Variants in CSMD1 observed in about 807,000 individuals in gnomAD.
CSMD1 encodes CUB and Sushi multiple domains 1.
Under a neutral mutation model 417.5 loss-of-function variants are expected in CSMD1, and 213 were observed. That is an observed-to-expected ratio of 0.51 (90% CI 0.46 to 0.57). The LOEUF (loss-of-function observed/expected upper bound fraction) is 0.57. Ranked by LOEUF, CSMD1 falls within the 20% of genes least tolerant of loss-of-function variation. The pLI, the probability that CSMD1 is intolerant of heterozygous loss-of-function variation, is 0.00. For missense variants in CSMD1, 6,923 were observed against 4,529.7 expected, an observed-to-expected ratio of 1.53 and a Z score of -15.17; for synonymous variants, 2,862 against 1,736.8, an observed-to-expected ratio of 1.65 and a Z score of -16.11.
intron 1 of CSMD1, among the ~76,000 whole-genome samples, chr8:4,764,895 C>CAAAACAAAACAAAACAA (rs763804321): frequency 6.5e-5 from 2 of 30,570 alleles, no homozygotes; most frequent in East Asian, 8.5e-4. Flanking sequence ...AAAAAAAAAA[C>CAAAACAAAACAAAACAA]AACAACAACA....
chr8:4,189,057 A>G (rs76931012), intron 3 of CSMD1, among the ~76,000 whole-genome samples: 2,836 of 152,294 alleles, frequency 0.019, 98 homozygotes, highest in African/African-American at 0.064. Context: ...ATTTGTTATA[A>G]GAGTGAAAGT....
chr8:3,823,310 C>G (rs1188832999), intron 5 of CSMD1, among the ~76,000 whole-genome samples: 1 of 152,162 alleles, frequency 6.6e-6, no homozygotes, highest in Non-Finnish European at 1.5e-5. Flanking sequence ...TGCAAACCAT[C>G]TTCTGGGTGC....
intron 3 of CSMD1, among the ~76,000 whole-genome samples, chr8:4,416,947 C>T (rs529174857): frequency 7.9e-5 from 12 of 152,046 alleles, no homozygotes; most frequent in Admixed American, 2.6e-4. Context: ...ATGTGTAATC[C>T]TAATAGTTTC....
intron 3 of CSMD1, among the ~76,000 whole-genome samples, chr8:4,306,808 C>G (rs1416753283): frequency 6.7e-6 from 1 of 148,808 alleles, no homozygotes; most frequent in African/African-American, 2.5e-5. Flanking sequence ...CTCCATAGCA[C>G]CAATCAATCC....
At chr8:4,320,530 C>A (rs758917085) in intron 3 of CSMD1, among the ~76,000 whole-genome samples, 1 of 152,070 alleles carries the variant, frequency 6.6e-6, no homozygotes, top group Non-Finnish European at 1.5e-5. Flanking sequence ...CCCAACAGGC[C>A]CCAGTGGGTG....
At position 3,298,951 on chromosome 8, in the gene CSMD1, T is replaced by C. The variant is rs543261663; in HGVS notation, c.3950+8744A>G. Among the ~76,000 whole-genome samples the C allele has an allele frequency of 5.9e-5, 9 of 152,298 alleles. No homozygotes were observed. In the South Asian group the frequency reaches 1.4e-3, roughly 25 times the overall value. ...GCCACATGGCAGTTTTTATGCTATA[T>C]GCTAATGAGAAGCTTACACAGAAAA... On this transcript the variant is annotated intron_variant, in intron 25 of 69. Coordinates refer to ENST00000635120, the MANE Select transcript of CSMD1 (RefSeq NM_033225.6).
intron 5 of CSMD1, among the ~76,000 whole-genome samples, chr8:3,817,945 G>C (rs777179222): frequency 6.6e-6 from 1 of 152,182 alleles, no homozygotes; most frequent in African/African-American, 2.4e-5. Context: ...TATTAGCTAA[G>C]TGGATTCTTT....
intron 3 of CSMD1, among the ~76,000 whole-genome samples, chr8:4,341,598 T>A (rs546898532): frequency 6.6e-6 from 1 of 152,290 alleles, no homozygotes; most frequent in Admixed American, 6.5e-5. Context: ...GGTTCCCTGT[T>A]TGTCCAGTGA....
intron 1 of CSMD1, among the ~76,000 whole-genome samples, chr8:4,691,313 C>G (rs1024413881): frequency 6.6e-6 from 1 of 152,152 alleles, no homozygotes; most frequent in Non-Finnish European, 1.5e-5. Flanking sequence ...GTTTAATTTT[C>G]TTTCCTGATA....
intron 1 of CSMD1, among the ~76,000 whole-genome samples, chr8:4,667,406 G>T (rs954063960): frequency 6.6e-6 from 1 of 151,178 alleles, no homozygotes; most frequent in Non-Finnish European, 1.5e-5. Context: ...CTGATATTTT[G>T]ATTTGGATTG....
intron 6 of CSMD1, among the ~76,000 whole-genome samples, chr8:3,726,442 G>A (rs1409194970): frequency 1.3e-5 from 2 of 152,192 alleles, no homozygotes; most frequent in African/African-American, 2.4e-5. Context: ...ACAAGGACAG[G>A]GGTCAGCAGG....
chr8:4,170,243 T>C (rs987761657), intron 3 of CSMD1, among the ~76,000 whole-genome samples: 37 of 151,850 alleles, frequency 2.4e-4, no homozygotes, highest in Non-Finnish European at 7.4e-5. Context: ...CCCATCTCTC[T>C]TTCTCTTTTT....
chr8:3,056,966 G>C (rs936882284), intron 49 of CSMD1, among the ~76,000 whole-genome samples: 1 of 152,000 alleles, frequency 6.6e-6, no homozygotes, highest in Non-Finnish European at 1.5e-5. Context: ...TTGTTTTTGA[G>C]TTTATGTTCA....
At chr8:4,067,560 G>A (rs1289070259) in intron 3 of CSMD1, among the ~76,000 whole-genome samples, 1 of 151,924 alleles carries the variant, frequency 6.6e-6, no homozygotes, top group African/African-American at 2.4e-5. Context: ...CCTAAAGCCA[G>A]AATAAGTTTC....
At position 4,764,452 on chromosome 8, in the gene CSMD1, C is replaced by T. The variant is rs996135462; in HGVS notation, c.86-126894G>A. ...TTCAAACAAATTGAAGATAATTTTA[C>T]GTTATCGTCTGTATTCTTAAAAGTA... On this transcript the variant is annotated intron_variant, in intron 1 of 69. Transcript: ENST00000635120. 2.0e-4 allele frequency among the ~76,000 whole-genome samples: 31 copies of T among 152,148 alleles called. 1 individual carries two copies. Among genetic ancestry groups the T allele is most frequent in the Admixed American group, 8.5e-4 (13 of 15,278 alleles).
chr8:4,872,523 C>G (rs1014121412), intron 1 of CSMD1, among the ~76,000 whole-genome samples: 1 of 152,078 alleles, frequency 6.6e-6, no homozygotes, highest in South Asian at 2.1e-4. Context: ...TCACCTTCCA[C>G]CATCATTGTA....
intron 5 of CSMD1, among the ~76,000 whole-genome samples, chr8:3,951,379 A>C (rs1369460952): frequency 6.6e-6 from 1 of 152,208 alleles, no homozygotes; most frequent in East Asian, 1.9e-4. Flanking sequence ...TAAGTTTGTT[A>C]ATTAAATGAA....
intron 1 of CSMD1, among the ~76,000 whole-genome samples, chr8:4,746,799 A>G (rs1175272616): frequency 3.3e-5 from 5 of 152,180 alleles, no homozygotes; most frequent in Admixed American, 6.5e-5. Context: ...CCATCAAAAG[A>G]TAACTGTGTG....
chr8:4,316,093 G>C (rs562512961), intron 3 of CSMD1, among the ~76,000 whole-genome samples: 173 of 151,830 alleles, frequency 1.1e-3, no homozygotes, highest in African/African-American at 3.7e-3. Context: ...GTTATTAAAA[G>C]CCAACCACTC....
Sources: allele counts gnomAD v4.1 joint callset (sites outside exome capture counted in the v4.1 genomes callset), GRCh38; gene constraint gnomAD v4.1.1; transcripts MANE v1.5; gene names NCBI Gene and HGNC (gene_info 2026-07-23, HGNC 2026-07-21).